CLRN3: variants seen among roughly 807,000 people sequenced by gnomAD.
The protein encoded by CLRN3 is clarin-3.
In CLRN3, 12 loss-of-function variants were observed where a neutral mutation model predicts 16.7. The observed-to-expected ratio is 0.72, with a 90% CI of 0.46 to 1.16. The LOEUF (loss-of-function observed/expected upper bound fraction) is 1.16, where lower values mean the gene tolerates loss of function less well. Ranked by LOEUF, CLRN3 falls within the 50% of genes most tolerant of loss-of-function variation. The pLI, the probability that CLRN3 is intolerant of heterozygous loss-of-function variation, is 0.00. For missense variants in CLRN3, 296 were observed against 274.2 expected, an observed-to-expected ratio of 1.08 and a Z score of -0.56; for synonymous variants, 118 against 113.0, an observed-to-expected ratio of 1.04 and a Z score of -0.28.
chr10:127,891,394 G>A (rs140733862), intron 1 of CLRN3, among the ~76,000 whole-genome samples: 9 of 152,148 alleles, frequency 5.9e-5, no homozygotes, highest in Non-Finnish European at 1.3e-4. Context: ...GAGGCTTCAG[G>A]GCAGTTTTTG....
chr10:127,888,948 G>A (rs1434618141), intron 1 of CLRN3, among the ~76,000 whole-genome samples: 1 of 152,130 alleles, frequency 6.6e-6, no homozygotes, highest in East Asian at 1.9e-4. Context: ...TCACCCCGCG[G>A]AGATTGCTAT....
intron 2 of CLRN3, among the ~76,000 whole-genome samples, chr10:127,879,369 G>T (rs533782236): frequency 6.6e-6 from 1 of 152,162 alleles, no homozygotes; most frequent in Non-Finnish European, 1.5e-5. Context: ...CAAAAGTGCC[G>T]AGTGTGAGCT....
intron 1 of CLRN3, among the ~76,000 whole-genome samples, chr10:127,884,099 A>G (rs933341210): frequency 6.6e-6 from 1 of 152,196 alleles, no homozygotes; most frequent in African/African-American, 2.4e-5. Flanking sequence ...ACTACAGATA[A>G]CTGGACATTT....
chr10:127,880,497 C>G (rs1011989813), intron 2 of CLRN3, among the ~76,000 whole-genome samples: 1 of 152,300 alleles, frequency 6.6e-6, no homozygotes, highest in East Asian at 1.9e-4. Context: ...GGCCCTGTGA[C>G]CTCCTGATCA....
chr10:127,880,021 G>C (rs1409695516), intron 2 of CLRN3, among the ~76,000 whole-genome samples: 1 of 152,128 alleles, frequency 6.6e-6, no homozygotes, highest in Non-Finnish European at 1.5e-5. Flanking sequence ...TCCATCAAAA[G>C]GCCTTAATTA....
intron 2 of CLRN3, among the ~76,000 whole-genome samples, chr10:127,880,451 A>C (rs1845116071): frequency 6.6e-6 from 1 of 152,172 alleles, no homozygotes; most frequent in African/African-American, 2.4e-5. Flanking sequence ...CGGAAGGCTC[A>C]CGGACCCTGG....
intron 2 of CLRN3, among the ~76,000 whole-genome samples, chr10:127,879,910 C>T (rs537908644): frequency 2.6e-5 from 4 of 152,278 alleles, no homozygotes; most frequent in South Asian, 4.1e-4. Flanking sequence ...ATCCTGGCCA[C>T]GGAAGCCCTT....
intron 1 of CLRN3, among the ~76,000 whole-genome samples, chr10:127,884,674 A>C (rs1311121530): frequency 6.6e-6 from 1 of 152,184 alleles, no homozygotes; most frequent in Admixed American, 6.5e-5. Flanking sequence ...CTCTTATAAC[A>C]TGAAGCAAAG....
intron 1 of CLRN3, among the ~76,000 whole-genome samples, chr10:127,886,649 G>T (rs956115588): frequency 5.9e-5 from 9 of 152,234 alleles, no homozygotes; most frequent in Non-Finnish European, 1.3e-4. Context: ...GGCCGCATGT[G>T]CCTTGAAAAC....
chr10:127,885,357 G>C lies in CLRN3; in HGVS notation c.230-1482C>G, dbSNP rs145167518. On this transcript the variant is annotated intron_variant, in intron 1 of 2. Transcript: ENST00000368671. ...GCTGAGCCCAAATCTGCATCTCCAC[G>C]ACTTAAACCCAGGGGTCCTAATTCT... Among the ~76,000 whole-genome samples the C allele has an allele frequency of 5.1e-4, 78 of 152,162 alleles. 3 individuals are homozygous for C. Among genetic ancestry groups the C allele is most frequent in the African/African-American group, 1.7e-3 (70 of 41,520 alleles).
At position 127,888,827 on chromosome 10, in the gene CLRN3, A is replaced by G. The variant is rs546583546; in HGVS notation, c.229+3729T>C. On this transcript the variant is annotated intron_variant, in intron 1 of 2. Coordinates refer to ENST00000368671, the MANE Select transcript of CLRN3 (RefSeq NM_152311.5). ...CCAAAGGACTTAAAAAACAATACCC[A>G]GTACAGCCATGCCTGTCAATCTAGT... 7.2e-5 allele frequency among the ~76,000 whole-genome samples: 11 copies of G among 152,294 alleles called. No individual in the cohort carries two copies. The South Asian group carries it at 1.9e-3, about 26-fold the overall frequency.
intron 1 of CLRN3, among the ~76,000 whole-genome samples, chr10:127,888,147 C>T (rs1029913244): frequency 2.0e-5 from 3 of 152,194 alleles, no homozygotes; most frequent in Non-Finnish European, 2.9e-5. Context: ...TGGGAATTAC[C>T]GTGACTCCCT....
chr10:127,888,687 C>T (rs548157996), intron 1 of CLRN3, among the ~76,000 whole-genome samples: 10 of 152,126 alleles, frequency 6.6e-5, no homozygotes, highest in South Asian at 2.1e-4. Flanking sequence ...CTGACTCGGA[C>T]GCAGCACTCA....
intron 1 of CLRN3, among the ~76,000 whole-genome samples, chr10:127,890,424 T>C (rs1845245747): frequency 6.6e-6 from 1 of 152,186 alleles, no homozygotes; most frequent in South Asian, 2.1e-4. Context: ...CACTTTGAAA[T>C]CAGCTGTCAT....
intron 1 of CLRN3, among the ~76,000 whole-genome samples, chr10:127,884,779 T>G (rs945623116): frequency 1.3e-5 from 2 of 152,150 alleles, no homozygotes; most frequent in African/African-American, 4.8e-5. Context: ...TTGTGGAGGA[T>G]GCAATGCCCA....
At position 127,878,147 on chromosome 10, in the gene CLRN3, AT is replaced by A. The variant is rs750823026; in HGVS notation, c.*1del. The A allele has an allele frequency of 1.1e-4, 183 of 1,609,468 alleles. 1 individual carries two copies. In the East Asian group the frequency reaches 2.3e-3, roughly 20 times the overall value. On this transcript the variant is annotated 3_prime_UTR_variant, in exon 3 of 3. Transcript: ENST00000368671. ...CAACGCCAAAATGAGATGAAAGAGA[AT>A]TCAGAATAAAATTCCGTCCCTTGGA...
intron 2 of CLRN3, among the ~76,000 whole-genome samples, chr10:127,882,448 A>G (rs1040048808): frequency 2.6e-5 from 4 of 152,004 alleles, no homozygotes; most frequent in Non-Finnish European, 4.4e-5. Flanking sequence ...GTACATCTCA[A>G]CTCCACGTCA....
intron 1 of CLRN3, among the ~76,000 whole-genome samples, chr10:127,889,736 G>A (rs902564280): frequency 1.3e-5 from 2 of 152,182 alleles, no homozygotes; most frequent in African/African-American, 2.4e-5. Context: ...TATTTGAAAC[G>A]ACATTCACAG....
chr10:127,890,346 G>C (rs1042319254), intron 1 of CLRN3, among the ~76,000 whole-genome samples: 1 of 152,168 alleles, frequency 6.6e-6, no homozygotes, highest in African/African-American at 2.4e-5. Flanking sequence ...CACACTGGAG[G>C]ATTTCCTTAC....
Sources: allele counts gnomAD v4.1 joint callset (sites outside exome capture counted in the v4.1 genomes callset), GRCh38; gene constraint gnomAD v4.1.1; transcripts MANE v1.5; gene names NCBI Gene and HGNC (gene_info 2026-07-23, HGNC 2026-07-21).